MTSS1: variants seen among roughly 807,000 people sequenced by gnomAD.
MTSS1 encodes protein MTSS 1.
In MTSS1, 18 loss-of-function variants were observed where a neutral mutation model predicts 79.0. The ratio of observed to expected loss-of-function variants is 0.23; its 90% confidence interval spans 0.16 to 0.34. MTSS1 has a LOEUF of 0.34. MTSS1 is among the 10% of genes least tolerant of loss of function. MTSS1 has a pLI of 1.00. For missense variants in MTSS1, 815 were observed against 986.2 expected (o/e 0.83, Z 2.33); for synonymous variants, 341 against 368.6 (o/e 0.93, Z 0.86).
chr8:124,627,296 G>T (rs989982505), intron 3 of MTSS1, among the ~76,000 whole-genome samples: 19 of 152,190 alleles, frequency 1.2e-4, no homozygotes, highest in African/African-American at 4.6e-4. Context: ...CTGGCTATCA[G>T]TGAGAAACTG....
At chr8:124,717,439 C>CTCTTGAACCTGGGAGGCAGAGGTTGCAGT (rs1564051077) in intron 1 of MTSS1, among the ~76,000 whole-genome samples, 2 of 124,262 alleles carry the variant, frequency 1.6e-5, no homozygotes, top group East Asian at 2.4e-4. Context: ...GAGGTGGCAG[C>CTCTTGAACCTGGGAGGCAGAGGTTGCAGT]GAGCCAAGAT....
intron 3 of MTSS1, among the ~76,000 whole-genome samples, chr8:124,696,127 A>T: frequency 6.6e-6 from 1 of 151,978 alleles, no homozygotes; most frequent in Non-Finnish European, 1.5e-5. Flanking sequence ...AGCTGGGATT[A>T]CAGGTGCCCA....
chr8:124,724,841 A>G (rs947376983), intron 1 of MTSS1, among the ~76,000 whole-genome samples: 9 of 152,194 alleles, frequency 5.9e-5, no homozygotes, highest in African/African-American at 2.2e-4. Context: ...TCGTCTACAC[A>G]TCGGAAGGCA....
At chr8:124,699,872 C>T (rs897828846) in intron 2 of MTSS1, among the ~76,000 whole-genome samples, 3 of 152,194 alleles carry the variant, frequency 2.0e-5, no homozygotes, top group Admixed American at 6.5e-5. Context: ...CAGGGCCAGG[C>T]ATGGTGGCTC....
chr8:124,646,996 C>T (rs996317279), intron 3 of MTSS1, among the ~76,000 whole-genome samples: 6 of 152,126 alleles, frequency 3.9e-5, no homozygotes, highest in African/African-American at 1.2e-4. Flanking sequence ...CAGGCATGTG[C>T]CACCATACCC....
chr8:124,586,535 C>G (rs754881747), intron 5 of MTSS1, among the ~76,000 whole-genome samples: 3 of 152,182 alleles, frequency 2.0e-5, no homozygotes, highest in Non-Finnish European at 4.4e-5. Context: ...CCTCCCTCCC[C>G]CTACAAGCTC....
chr8:124,701,392 G>A (rs1277045201), intron 2 of MTSS1, among the ~76,000 whole-genome samples: 1 of 152,170 alleles, frequency 6.6e-6, no homozygotes, highest in Non-Finnish European at 1.5e-5. Context: ...ACTTCAAAAT[G>A]AGGCCTGTTA....
intron 3 of MTSS1, among the ~76,000 whole-genome samples, chr8:124,649,624 C>T (rs1029752603): frequency 1.3e-5 from 2 of 152,162 alleles, no homozygotes; most frequent in African/African-American, 4.8e-5. Flanking sequence ...AATGACCCTA[C>T]TGACCACTGT....
At chr8:124,566,497 C>T (rs1262775258) in intron 8 of MTSS1, among the ~76,000 whole-genome samples, 1 of 152,160 alleles carries the variant, frequency 6.6e-6, no homozygotes, top group Non-Finnish European at 1.5e-5. Context: ...TTCATCAGTT[C>T]CCCCAAATAT....
At chr8:124,662,024 G>A (rs1173922984) in intron 3 of MTSS1, among the ~76,000 whole-genome samples, 1 of 152,168 alleles carries the variant, frequency 6.6e-6, no homozygotes, top group African/African-American at 2.4e-5. Flanking sequence ...TAAAGAGAAA[G>A]GGAAATGATC....
intron 1 of MTSS1, among the ~76,000 whole-genome samples, chr8:124,717,359 G>A (rs922578869): frequency 4.6e-5 from 7 of 152,170 alleles, no homozygotes; most frequent in African/African-American, 1.7e-4. Context: ...AGCCGGGTGT[G>A]GTGGTGCATG....
chr8:124,644,413 C>G (rs991006485), intron 3 of MTSS1, among the ~76,000 whole-genome samples: 8 of 152,218 alleles, frequency 5.3e-5, no homozygotes, highest in African/African-American at 1.9e-4. Flanking sequence ...TGAGTTTCTT[C>G]ACACCAAGCT....
chr8:124,663,726 C>T (rs1401167034), intron 3 of MTSS1, among the ~76,000 whole-genome samples: 2 of 152,202 alleles, frequency 1.3e-5, no homozygotes, highest in Non-Finnish European at 2.9e-5. Flanking sequence ...GCCCCTCTGT[C>T]CATTCCCGTG....
chr8:124,609,609 A>G (rs529389369), intron 3 of MTSS1, among the ~76,000 whole-genome samples: 4 of 152,298 alleles, frequency 2.6e-5, no homozygotes, highest in African/African-American at 9.6e-5. Flanking sequence ...AAAGGCAGGG[A>G]AGGAAAGAGA....
At chr8:124,587,327 A>C (rs919015050) in intron 5 of MTSS1, among the ~76,000 whole-genome samples, 2 of 152,222 alleles carry the variant, frequency 1.3e-5, no homozygotes, top group Admixed American at 1.3e-4. Flanking sequence ...ATCTGAAAAA[A>C]AATGTCAAAT....
At chr8:124,606,891 G>A (rs1428955325) in intron 3 of MTSS1, among the ~76,000 whole-genome samples, 3 of 152,110 alleles carry the variant, frequency 2.0e-5, no homozygotes, top group African/African-American at 7.2e-5. Context: ...TCATGCAGAG[G>A]ACCCCTCCTT....
chr8:124,641,821 G>A (rs749341785), intron 3 of MTSS1, among the ~76,000 whole-genome samples: 9 of 152,162 alleles, frequency 5.9e-5, no homozygotes, highest in Non-Finnish European at 1.0e-4. Context: ...GGAATAAAAG[G>A]AAGAGATAAA....
chr8:124,671,232 C>G (rs1020112193), intron 3 of MTSS1, among the ~76,000 whole-genome samples: 2 of 152,054 alleles, frequency 1.3e-5, no homozygotes, highest in Non-Finnish European at 2.9e-5. Context: ...GAGCCCTCCT[C>G]CAGAATCAAA....
At chr8:124,564,857 A>C (rs1826068650) in intron 9 of MTSS1, 1 of 152,338 alleles carries the variant, frequency 6.6e-6, no homozygotes, top group African/African-American at 2.4e-5. Context: ...AGCGTGCACC[A>C]AAACATCACC....
Sources: gnomAD v4.1 joint callset for allele counts (sites outside exome capture counted in the v4.1 genomes callset) on GRCh38, gnomAD v4.1.1 for gene constraint, MANE v1.5 for transcripts, NCBI Gene and HGNC (gene_info 2026-07-23, HGNC 2026-07-21) for gene names.